The following THSD7B variants were observed in gnomAD, a reference collection of about 807,000 sequenced individuals.
THSD7B encodes thrombospondin type 1 domain containing 7B.
THSD7B carries 138 observed loss-of-function variants against 213.6 expected under a neutral mutation model. The observed-to-expected ratio is 0.65, with a 90% CI of 0.56 to 0.74. The LOEUF is 0.74. Among genes scored for constraint, THSD7B ranks in the 30% least tolerant of loss-of-function variants. The pLI is 0.00. For missense variants in THSD7B, 1,931 were observed against 1,991.5 expected, an observed-to-expected ratio of 0.97 and a Z score of 0.58; for synonymous variants, 742 against 687.0, an observed-to-expected ratio of 1.08 and a Z score of -1.25.
intron 27 of THSD7B, among the ~76,000 whole-genome samples, chr2:137,671,664 G>A (rs951693687): frequency 1.3e-5 from 2 of 152,148 alleles, no homozygotes; most frequent in African/African-American, 2.4e-5. Flanking sequence ...TGGGGGAAGC[G>A]ATGATTCAGT....
In THSD7B at chr2:137,223,907, G is replaced by A. The variant is rs976880385; in HGVS notation, c.1724-7137G>A. On this transcript the variant is annotated intron_variant, in intron 7 of 27. Coordinates refer to ENST00000409968, the MANE Select transcript of THSD7B (RefSeq NM_001316349.2). Reference sequence around the variant, plus strand: ...AAGTGTGCAGTATCCTCCCACCCCCGCTTCCTCCTAACTCAGCCCTGTAAG... The same window carrying A: ...AAGTGTGCAGTATCCTCCCACCCCCACTTCCTCCTAACTCAGCCCTGTAAG... Among the ~76,000 whole-genome samples the A allele has an allele frequency of 5.9e-5, 9 of 152,054 alleles. No homozygotes were observed. The South Asian group carries it at 8.3e-4, about 14-fold the overall frequency.
At chr2:137,676,438 A>C (rs1199781919) in intron 27 of THSD7B, 86 bp from the exon 28 acceptor site, 12 of 1,253,110 alleles carry the variant, frequency 9.6e-6, no homozygotes, top group Non-Finnish European at 1.3e-5. Context: ...TTACCGCTTA[A>C]ATTTCTGTAT....
At chr2:136,845,983 C>G (rs2104959448) in intron 1 of THSD7B, among the ~76,000 whole-genome samples, 1 of 152,206 alleles carries the variant, frequency 6.6e-6, no homozygotes, top group East Asian at 1.9e-4. Flanking sequence ...ATGAGGGGCT[C>G]TGGTGAGCAC....
At chr2:137,336,867 C>T (rs1359284721) in intron 12 of THSD7B, among the ~76,000 whole-genome samples, 1 of 152,010 alleles carries the variant, frequency 6.6e-6, no homozygotes, top group Non-Finnish European at 1.5e-5. Context: ...AATGAAGCAA[C>T]TTTGAAGTCA....
At chr2:137,620,246 G>A (rs1486994555) in intron 19 of THSD7B, among the ~76,000 whole-genome samples, 2 of 152,110 alleles carry the variant, frequency 1.3e-5, no homozygotes, top group African/African-American at 2.4e-5. Flanking sequence ...GGCCCTCCAT[G>A]TACTTTTGGC....
chr2:136,934,213 T>C (rs1684681259), intron 2 of THSD7B, among the ~76,000 whole-genome samples: 1 of 152,204 alleles, frequency 6.6e-6, no homozygotes, highest in Non-Finnish European at 1.5e-5. Flanking sequence ...ATTTAAAGCT[T>C]TCCAAAAATA....
intron 2 of THSD7B, among the ~76,000 whole-genome samples, chr2:136,897,329 A>G (rs2105008040): frequency 6.6e-6 from 1 of 152,152 alleles, no homozygotes; most frequent in African/African-American, 2.4e-5. Flanking sequence ...AGATGTTCAG[A>G]TGTATCCGGA....
At chr2:137,486,956 C>A (rs1355847760) in intron 15 of THSD7B, among the ~76,000 whole-genome samples, 34 of 152,162 alleles carry the variant, frequency 2.2e-4, no homozygotes, top group South Asian at 1.7e-3. Flanking sequence ...GAGAACAAAG[C>A]CACAACATAC....
At chr2:137,048,161 A>G (rs1687002163) in intron 2 of THSD7B, among the ~76,000 whole-genome samples, 1 of 151,586 alleles carries the variant, frequency 6.6e-6, no homozygotes, top group Non-Finnish European at 1.5e-5. Context: ...AGTTTGTTTC[A>G]TGGTTATATG....
chr2:136,927,463 A>G (rs990101365), intron 2 of THSD7B, among the ~76,000 whole-genome samples: 1 of 152,142 alleles, frequency 6.6e-6, no homozygotes, highest in Non-Finnish European at 1.5e-5. Context: ...AGTAGAACCT[A>G]CATCTTTTGA....
chr2:136,770,076 T>G (rs1681477488), intron 1 of THSD7B, among the ~76,000 whole-genome samples: 1 of 152,176 alleles, frequency 6.6e-6, no homozygotes. Context: ...CTGATTTGTG[T>G]CCTAGTGTTA....
rs562368155 is a variant in THSD7B, at chr2:137,239,032, C to T, written c.2151-3425C>T. Reference sequence around the variant, plus strand: ...TAGTTTATTTTTTATCAAAGCGTTACGTGTTTTATTGTATAAGTAAAATAA... The same window carrying T: ...TAGTTTATTTTTTATCAAAGCGTTATGTGTTTTATTGTATAAGTAAAATAA... On this transcript the variant is annotated intron_variant, in intron 9 of 27. Coordinates refer to ENST00000409968, the MANE Select transcript of THSD7B (RefSeq NM_001316349.2). Among the ~76,000 whole-genome samples the T allele has an allele frequency of 3.9e-5, 6 of 152,142 alleles. No homozygotes were observed. The South Asian group carries it at 1.2e-3, about 32-fold the overall frequency.
chr2:137,376,808 A>T (rs761948886), intron 12 of THSD7B, among the ~76,000 whole-genome samples: 48 of 152,346 alleles, frequency 3.2e-4, no homozygotes, highest in Non-Finnish European at 4.3e-4. Flanking sequence ...CATTCAGCAT[A>T]AAACACAGAA....
At chr2:136,997,350 A>G (rs755809081) in intron 2 of THSD7B, among the ~76,000 whole-genome samples, 5 of 152,240 alleles carry the variant, frequency 3.3e-5, no homozygotes, top group Non-Finnish European at 7.3e-5. Flanking sequence ...ATAAGACAAC[A>G]TCTACGTGCT....
chr2:137,322,369 G>C (rs1684280316), intron 12 of THSD7B, among the ~76,000 whole-genome samples: 1 of 152,110 alleles, frequency 6.6e-6, no homozygotes, highest in South Asian at 2.1e-4. Flanking sequence ...AGAGGAGTAG[G>C]GCACATAGCA....
At chr2:137,547,112 G>T (rs1443040714) in intron 15 of THSD7B, among the ~76,000 whole-genome samples, 1 of 152,052 alleles carries the variant, frequency 6.6e-6, no homozygotes, top group Non-Finnish European at 1.5e-5. Context: ...GTTGAAATTA[G>T]TGTGGAACTC....
At chr2:137,396,796 T>A (rs1686203322) in intron 12 of THSD7B, among the ~76,000 whole-genome samples, 1 of 151,454 alleles carries the variant, frequency 6.6e-6, no homozygotes, top group Non-Finnish European at 1.5e-5. Flanking sequence ...TGTGTGGGAG[T>A]CTAAGTCTCT....
Position 136,790,162 on chromosome 2 carries a change from A to G in THSD7B, c.-36+24475A>G, listed in dbSNP as rs533842130. ...GTGTGTTTGTGTGTGTGTTTATTAT[A>G]CATTCTACTTGCCTTGGGTTTCCTT... On this transcript the variant is annotated intron_variant, in intron 1 of 27. Transcript: ENST00000409968. Among the ~76,000 whole-genome samples, 4 of 151,298 alleles carry G rather than the reference A, an allele frequency of 2.6e-5. No homozygotes were observed. In the East Asian group the frequency reaches 7.8e-4, roughly 29 times the overall value.
At chr2:137,022,753 G>GGA (rs1292415754) in intron 2 of THSD7B, among the ~76,000 whole-genome samples, 3 of 152,084 alleles carry the variant, frequency 2.0e-5, no homozygotes, top group Non-Finnish European at 4.4e-5. Flanking sequence ...GGCTCAGGAT[G>GGA]GAGAGCCTTG....
Sources: gnomAD v4.1 joint callset for allele counts (sites outside exome capture counted in the v4.1 genomes callset) on GRCh38, gnomAD v4.1.1 for gene constraint, MANE v1.5 for transcripts, NCBI Gene and HGNC (gene_info 2026-07-23, HGNC 2026-07-21) for gene names.